The following SPAG16 variants were observed in gnomAD, a reference collection of about 807,000 sequenced individuals.
SPAG16 encodes the protein sperm associated antigen 16, also known as sperm-associated antigen 16 protein.
A neutral mutation model predicts 80.4 loss-of-function variants in SPAG16; 86 were observed. The ratio of observed to expected loss-of-function variants is 1.07; its 90% confidence interval spans 0.90 to 1.28. The LOEUF is 1.28. SPAG16 is among the 50% of genes most tolerant of loss of function. The probability of loss-of-function intolerance (pLI) is 0.00; values close to 1 mark genes in which losing one functional copy is unlikely to be tolerated. For missense variants in SPAG16, 870 were observed against 765.3 expected (o/e 1.14, Z -1.61); for synonymous variants, 294 against 265.9 (o/e 1.11, Z -1.03).
chr2:213,762,327 A>G (rs982026685), intron 10 of SPAG16, among the ~76,000 whole-genome samples: 6 of 152,170 alleles, frequency 3.9e-5, no homozygotes, highest in Non-Finnish European at 8.8e-5. Flanking sequence ...ATTTAATAGC[A>G]CTGAACTGTA....
chr2:214,320,225 C>A (rs781136851), intron 15 of SPAG16, among the ~76,000 whole-genome samples: 5 of 152,162 alleles, frequency 3.3e-5, no homozygotes, highest in Non-Finnish European at 5.9e-5. Flanking sequence ...AGGTAGCCAC[C>A]TTTGCCTGGA....
intron 15 of SPAG16, among the ~76,000 whole-genome samples, chr2:214,345,839 T>A (rs1039998680): frequency 6.6e-6 from 1 of 152,218 alleles, no homozygotes; most frequent in African/African-American, 2.4e-5. Flanking sequence ...CCCTGGCTCT[T>A]ATGTTCAACA....
At chr2:214,218,816 C>G (rs2125769925) in intron 15 of SPAG16, among the ~76,000 whole-genome samples, 1 of 152,156 alleles carries the variant, frequency 6.6e-6, no homozygotes, top group East Asian at 1.9e-4. Flanking sequence ...TGGCAAGTCA[C>G]TGACAAGTGG....
At chr2:214,224,639 C>A (rs572338595) in intron 15 of SPAG16, among the ~76,000 whole-genome samples, 35 of 152,228 alleles carry the variant, frequency 2.3e-4, no homozygotes, top group Middle Eastern at 3.4e-3. Flanking sequence ...GCTGTGTTTG[C>A]TTTGTTGTTG....
At chr2:213,917,153 C>A (rs1221729383) in intron 11 of SPAG16, among the ~76,000 whole-genome samples, 1 of 152,106 alleles carries the variant, frequency 6.6e-6, no homozygotes, top group Non-Finnish European at 1.5e-5. Flanking sequence ...GTTTTTGCAC[C>A]AGTACCATGC....
chr2:213,467,281 T>G (rs1214603526), intron 9 of SPAG16, among the ~76,000 whole-genome samples: 2 of 152,124 alleles, frequency 1.3e-5, no homozygotes, highest in African/African-American at 4.8e-5. Context: ...TGGACCAGTA[T>G]GGTGGTTGTG....
At chr2:213,612,451 A>G (rs932709787) in intron 10 of SPAG16, among the ~76,000 whole-genome samples, 1 of 152,090 alleles carries the variant, frequency 6.6e-6, no homozygotes, top group Admixed American at 6.6e-5. Context: ...CCACCTGCCT[A>G]CTTTGTGTCA....
intron 9 of SPAG16, among the ~76,000 whole-genome samples, chr2:213,436,163 C>A (rs339825): frequency 0.026 from 3,904 of 152,216 alleles, 165 homozygotes; most frequent in African/African-American, 0.088. Context: ...AATGTTAAAT[C>A]ATTTAATCAC....
At chr2:214,006,463 C>A (rs2047029717) in intron 12 of SPAG16, among the ~76,000 whole-genome samples, 1 of 151,094 alleles carries the variant, frequency 6.6e-6, no homozygotes, top group African/African-American at 2.4e-5. Flanking sequence ...CATTCAGTTA[C>A]CAAAATAACA....
intron 10 of SPAG16, among the ~76,000 whole-genome samples, chr2:213,642,972 C>T (rs2125118482): frequency 6.6e-6 from 1 of 151,634 alleles, no homozygotes; most frequent in East Asian, 1.9e-4. Context: ...GCTCCTCAGC[C>T]TGCAGATGGC....
chr2:213,367,716 A>C (rs1267608218), intron 8 of SPAG16, among the ~76,000 whole-genome samples: 4 of 148,468 alleles, frequency 2.7e-5, no homozygotes, highest in Non-Finnish European at 6.0e-5. Context: ...GATTGCAAAA[A>C]TTTTCTCCCA....
At chr2:213,589,816 G>A (rs903008937) in intron 10 of SPAG16, among the ~76,000 whole-genome samples, 10 of 151,880 alleles carry the variant, frequency 6.6e-5, no homozygotes, top group Non-Finnish European at 1.5e-4. Context: ...CACCTATTCG[G>A]GTGGCTGAGG....
chr2:213,923,341 C>T (rs572802751), intron 11 of SPAG16, among the ~76,000 whole-genome samples: 2 of 152,112 alleles, frequency 1.3e-5, no homozygotes, highest in African/African-American at 2.4e-5. Flanking sequence ...TGTCAGGCAG[C>T]GTCGTGTGCC....
chr2:214,037,695 GT>G (rs1174864712), intron 13 of SPAG16, among the ~76,000 whole-genome samples: 3 of 152,058 alleles, frequency 2.0e-5, no homozygotes, highest in Non-Finnish European at 4.4e-5. Context: ...TGTCTACTAT[GT>G]TATTTTGGTG....
intron 14 of SPAG16, among the ~76,000 whole-genome samples, chr2:214,119,480 T>A (rs12998232): frequency 0.26 from 39,830 of 151,802 alleles, 5,329 homozygotes; most frequent in South Asian, 0.31. Flanking sequence ...AAACTGTAAA[T>A]AATACGTGGC....
intron 15 of SPAG16, among the ~76,000 whole-genome samples, chr2:214,149,800 C>G (rs62197908): frequency 0.19 from 28,597 of 151,678 alleles, 3,016 homozygotes; most frequent in South Asian, 0.26. Context: ...GTTTTTATTC[C>G]ACAATGATAT....
At chr2:213,983,428 A>G (rs187515648) in intron 12 of SPAG16, among the ~76,000 whole-genome samples, 1 of 152,058 alleles carries the variant, frequency 6.6e-6, no homozygotes, top group Non-Finnish European at 1.5e-5. Context: ...TGGTTTCTGG[A>G]TAAGATTTTA....
chr2:213,634,714 A>G (rs2062292472), intron 10 of SPAG16, among the ~76,000 whole-genome samples: 1 of 152,168 alleles, frequency 6.6e-6, no homozygotes, highest in Non-Finnish European at 1.5e-5. Context: ...CGAGCAGTGT[A>G]CACTGTACCC....
At chr2:213,976,175 T>TAC (rs1267643337) in intron 12 of SPAG16, among the ~76,000 whole-genome samples, 2 of 149,010 alleles carry the variant, frequency 1.3e-5, no homozygotes, top group South Asian at 2.1e-4. Context: ...TACATATATA[T>TAC]ACATGTATGT....
Sources: gnomAD v4.1 joint callset for allele counts (sites outside exome capture counted in the v4.1 genomes callset) on GRCh38, gnomAD v4.1.1 for gene constraint, MANE v1.5 for transcripts, NCBI Gene and HGNC (gene_info 2026-07-23, HGNC 2026-07-21) for gene names.